NCR3LG1: variants seen among roughly 807,000 people sequenced by gnomAD.
NCR3LG1 encodes natural cytotoxicity triggering receptor 3 ligand 1.
NCR3LG1 carries 35 observed loss-of-function variants against 34.8 expected under a neutral mutation model. The observed-to-expected ratio is 1.01, with a 90% CI of 0.77 to 1.33. The LOEUF (loss-of-function observed/expected upper bound fraction) is 1.33, where lower values mean the gene tolerates loss of function less well. Ranked by LOEUF, NCR3LG1 falls within the 40% of genes most tolerant of loss-of-function variation. The pLI, the probability that NCR3LG1 is intolerant of heterozygous loss-of-function variation, is 0.00. For missense variants in NCR3LG1, 452 were observed against 423.3 expected (o/e 1.07, Z -0.60); for synonymous variants, 173 against 163.6 (o/e 1.06, Z -0.44).
At chr11:17,357,196 G>T (rs1953220480) in intron 2 of NCR3LG1, among the ~76,000 whole-genome samples, 195 bp downstream of exon 2, 1 of 151,894 alleles carries the variant, frequency 6.6e-6, no homozygotes, top group Admixed American at 6.6e-5. Flanking sequence ...TTAAACAACA[G>T]ATGTTTATTT....
Position 17,352,056 on chromosome 11 carries a change from G to T in NCR3LG1, c.70+17G>T. The T allele has an allele frequency of 6.9e-7, 1 of 1,449,196 alleles. No homozygotes were observed. Among genetic ancestry groups the T allele is most frequent in the Admixed American group, 2.3e-5 (1 of 43,834 alleles). 89.8% of individuals were successfully genotyped at this position (1,449,196 alleles called of 1,614,324 possible). A position where few individuals can be genotyped will look rare whatever the true frequency, so the allele number is the denominator to read the frequency against. ...CGACCGAAGGTAGGGGGCGGCTGGGGTGGGCTGGGGCGGGGGCTCCTGGCG... is the reference window on the plus strand; with the variant it reads ...CGACCGAAGGTAGGGGGCGGCTGGGTTGGGCTGGGGCGGGGGCTCCTGGCG... On this transcript the variant is annotated intron_variant, in intron 1 of 4. Transcript: ENST00000338965.
chr11:17,370,583 C>T (rs556833950), intron 4 of NCR3LG1, among the ~76,000 whole-genome samples: 6 of 152,290 alleles, frequency 3.9e-5, no homozygotes, highest in African/African-American at 1.4e-4. Context: ...TCCCCCTTCA[C>T]CCTCAGGTGT....
chr11:17,363,551 C>CCTTCCTTCCTTCCTTCCTTCCTTCCTTT (rs1953310414), intron 2 of NCR3LG1, among the ~76,000 whole-genome samples: 1 of 114,082 alleles, frequency 8.8e-6, no homozygotes, highest in African/African-American at 3.2e-5. Context: ...TCCCTTCCTT[C>CCTTCCTTCCTTCCTTCCTTCCTTCCTTT]CTTCCTTCCT....
chr11:17,369,625 A>G (rs1183605107), intron 4 of NCR3LG1, among the ~76,000 whole-genome samples: 2 of 152,250 alleles, frequency 1.3e-5, no homozygotes, highest in African/African-American at 4.8e-5. Flanking sequence ...CAGCCAGTAC[A>G]TCTCATTATA....
In NCR3LG1 at chr11:17,356,763, G is replaced by T; in HGVS notation, c.183G>T (p.Met61Ile). 1 of 1,536,332 alleles carries T rather than the reference G, an allele frequency of 6.5e-7. No homozygotes were observed. Among genetic ancestry groups the T allele is most frequent in the Non-Finnish European group, 8.7e-7 (1 of 1,146,950 alleles). ...CCCAACCCCTCAACATCACGTCTAT[G>T]GGTATCACCTGGTTTTGGAAGAGTC... ...FYSQPLNITS[M>I]GITWFWKSLT... The change falls in exon 2 of 5, where the codon ATG (methionine) becomes ATT (isoleucine). Residue 61 changes from methionine (M) to isoleucine (I), a missense_variant. By Grantham distance (10) the Met-to-Ile change is conservative (BLOSUM62 1). Coordinates refer to ENST00000338965, the MANE Select transcript of NCR3LG1 (RefSeq NM_001202439.3).
chr11:17,354,252 G>T (rs1166907098), intron 1 of NCR3LG1, among the ~76,000 whole-genome samples: 1 of 152,198 alleles, frequency 6.6e-6, no homozygotes, highest in Non-Finnish European at 1.5e-5. Flanking sequence ...GCTTTTCCTT[G>T]GAAACAAGAC....
At position 17,351,806 on chromosome 11, in the gene NCR3LG1, G is replaced by C. The variant is rs1953136042; in HGVS notation, c.-164G>C. ...GGGAAATCCAGGCGACTTCGCAGTTGCCGAAGGGATCTGAAGAAGTGGGAT... is the reference window on the plus strand; with the variant it reads ...GGGAAATCCAGGCGACTTCGCAGTTCCCGAAGGGATCTGAAGAAGTGGGAT... On this transcript the variant is annotated 5_prime_UTR_variant, in exon 1 of 5. Coordinates refer to ENST00000338965, the MANE Select transcript of NCR3LG1 (RefSeq NM_001202439.3). 3.6e-6 allele frequency: 2 copies of C among 549,002 alleles called. No individual in the cohort carries two copies. Among genetic ancestry groups the C allele is most frequent in the Non-Finnish European group, 6.4e-6 (2 of 311,482 alleles). The allele number at this position is 549,002 out of a possible 1,614,324, so 34.0% of individuals were successfully genotyped here.
intron 1 of NCR3LG1, among the ~76,000 whole-genome samples, chr11:17,355,897 A>G (rs1221483612): frequency 6.6e-6 from 1 of 152,174 alleles, no homozygotes; most frequent in African/African-American, 2.4e-5. Flanking sequence ...TTCTGGGCAC[A>G]AGGGATCCTC....
intron 1 of NCR3LG1, among the ~76,000 whole-genome samples, chr11:17,354,414 T>G (rs529446303): frequency 1.0e-3 from 152 of 152,376 alleles, no homozygotes; most frequent in Admixed American, 3.1e-3. Flanking sequence ...CAAATTTGCC[T>G]TCTAAATTTT....
downstream of NCR3LG1, among the ~76,000 whole-genome samples, chr11:17,378,908 T>C (rs1005622606): frequency 6.6e-6 from 1 of 152,116 alleles, no homozygotes; most frequent in African/African-American, 2.4e-5. Context: ...TTCCATTCCC[T>C]GAGACATGCG....
chr11:17,357,237 A>G (rs927227642), intron 2 of NCR3LG1, among the ~76,000 whole-genome samples: 8 of 152,324 alleles, frequency 5.3e-5, no homozygotes, highest in African/African-American at 1.9e-4. Context: ...GAAGTCTGAG[A>G]TGAAGACATC....
intron 2 of NCR3LG1, among the ~76,000 whole-genome samples, chr11:17,366,697 T>C (rs1444530032): frequency 6.6e-6 from 1 of 152,216 alleles, no homozygotes; most frequent in African/African-American, 2.4e-5. Flanking sequence ...CCAGAATATT[T>C]AGCCCAAGCT....
intron 1 of NCR3LG1, among the ~76,000 whole-genome samples, chr11:17,354,665 A>G (rs969158320): frequency 6.8e-6 from 1 of 147,222 alleles, no homozygotes; most frequent in Non-Finnish European, 1.5e-5. Context: ...GTTGGCCACC[A>G]GGGGGAAGCA....
rs1564861079 is a variant in NCR3LG1 at position 17,374,813 on chromosome 11, G to A, written c.*2301G>A. ...TCACTTCCTGACCTGGGAACCTGAA[G>A]GTCAAAAGGCCATTAATCAGTTAAA... On this transcript the variant is annotated 3_prime_UTR_variant, in exon 5 of 5. Transcript: ENST00000338965. 6.6e-6 allele frequency: 1 copy of A among 152,152 alleles called. No homozygotes were observed. Among genetic ancestry groups the A allele is most frequent in the Non-Finnish European group, 1.5e-5 (1 of 68,016 alleles). 9.4% of individuals were successfully genotyped at this position (152,152 alleles called of 1,614,324 possible).
In NCR3LG1 at chr11:17,356,903, G is replaced by A. The variant is rs888415200; in HGVS notation, c.323G>A (p.Arg108Gln). 10 of 1,536,022 alleles carry A rather than the reference G, an allele frequency of 6.5e-6. No individual in the cohort carries two copies. Among genetic ancestry groups the A allele is most frequent in the South Asian group, 2.4e-5 (2 of 84,064 alleles). ...WRLKSGDASL[R>Q]LPGIQLEEAG... ...CTGAAGAGTGGGGACGCCTCACTGC[G>A]GCTGCCTGGAATCCAGCTGGAGGAA... Residue 108 changes from arginine to glutamine, a missense_variant, in exon 2 of 5, where the codon CGG (arginine) becomes CAG (glutamine). Arg to Gln is a conservative substitution (Grantham distance 43, BLOSUM62 1). Transcript: ENST00000338965.
intron 2 of NCR3LG1, among the ~76,000 whole-genome samples, chr11:17,357,500 A>G (rs1279257400): frequency 6.6e-6 from 1 of 152,206 alleles, no homozygotes; most frequent in Non-Finnish European, 1.5e-5. Context: ...TTAGGAGGAC[A>G]TAATTCAGCC....
Position 17,375,802 on chromosome 11 carries a change from C to T in NCR3LG1, c.*3290C>T, listed in dbSNP as rs1953470032. The T allele has an allele frequency of 1.3e-5, 2 of 152,248 alleles. No homozygotes were observed. The highest frequency in any genetic ancestry group is 4.1e-4 in the South Asian group (2 of 4,822). 9.4% of individuals were successfully genotyped at this position (152,248 alleles called of 1,614,324 possible). ...CCAAGGTCCCAAAACACTTGAGGCC[C>T]CTCTGATTTGGGAGGGCTACATAAG... On this transcript the variant is annotated 3_prime_UTR_variant, in exon 5 of 5. Transcript: ENST00000338965.
intron 2 of NCR3LG1, among the ~76,000 whole-genome samples, chr11:17,362,694 T>TCC (rs1376095360): frequency 7.1e-3 from 23 of 3,242 alleles, no homozygotes; most frequent in East Asian, 0.01. Context: ...CTTCCTTCCT[T>TCC]TCTTTCTTTC....
At position 17,375,553 on chromosome 11, in the gene NCR3LG1, C is replaced by G. The variant is rs955191788; in HGVS notation, c.*3041C>G. 1 of 152,246 alleles carries G rather than the reference C, an allele frequency of 6.6e-6. No homozygotes were observed. Among genetic ancestry groups the G allele is most frequent in the African/African-American group, 2.4e-5 (1 of 41,468 alleles). 9.4% of individuals were successfully genotyped at this position (152,246 alleles called of 1,614,324 possible). On this transcript the variant is annotated 3_prime_UTR_variant, in exon 5 of 5. Transcript: ENST00000338965. ...TTATACTGACTCCAAGTGTACCTTT[C>G]TAGTTCTCCTTGCCCATGCTGCCAT...
Sources: allele counts gnomAD v4.1 joint callset (sites outside exome capture counted in the v4.1 genomes callset), GRCh38; gene constraint gnomAD v4.1.1; transcripts MANE v1.5; gene names NCBI Gene and HGNC (gene_info 2026-07-23, HGNC 2026-07-21).